UBE4B: variants seen among roughly 807,000 people sequenced by gnomAD.
The protein encoded by UBE4B is ubiquitination factor E4B, also known as ubiquitin conjugation factor E4 B.
In UBE4B, 27 loss-of-function variants were observed where a neutral mutation model predicts 148.1. That is an observed-to-expected ratio of 0.18 (90% CI 0.13 to 0.25). The LOEUF (loss-of-function observed/expected upper bound fraction) is 0.25, where lower values mean the gene tolerates loss of function less well. UBE4B is among the 10% of genes least tolerant of loss of function. The pLI is 1.00. For synonymous variants in UBE4B, 596 were observed against 619.3 expected, an observed-to-expected ratio of 0.96 and a Z score of 0.56; for missense variants, 1,170 against 1,662.4, an observed-to-expected ratio of 0.70 and a Z score of 5.15.
intron 1 of UBE4B, among the ~76,000 whole-genome samples, chr1:10,047,588 G>A (rs1043102096): frequency 6.6e-6 from 1 of 150,638 alleles, no homozygotes; most frequent in Non-Finnish European, 1.5e-5. Context: ...CGCCTCCCAG[G>A]TTCACGCCAT....
At chr1:10,120,058 T>C (rs533491136) in intron 9 of UBE4B, among the ~76,000 whole-genome samples, 67 of 152,364 alleles carry the variant, frequency 4.4e-4, no homozygotes, top group Non-Finnish European at 7.1e-4. Flanking sequence ...ACCAAAGTGC[T>C]ACATTATTTG....
In UBE4B at chr1:10,130,348, T is replaced by A; in HGVS notation, c.1696-152T>A. On this transcript the variant is annotated intron_variant, in intron 12 of 27. Coordinates refer to ENST00000343090, the MANE Select transcript of UBE4B (RefSeq NM_001105562.3). ...CACCCACACTGGCCTCCCAAAGTGCTGGGATTACAGGCGTGAGCCACCATG... is the reference window on the plus strand; with the variant it reads ...CACCCACACTGGCCTCCCAAAGTGCAGGGATTACAGGCGTGAGCCACCATG... 4.2e-6 allele frequency: 3 copies of A among 714,458 alleles called. No homozygotes were observed. In the South Asian group the frequency reaches 5.1e-5, roughly 12 times the overall value. The allele number at this position is 714,458 out of a possible 1,614,324, so 44.3% of individuals were successfully genotyped here. A position where few individuals can be genotyped will look rare whatever the true frequency, so the allele number is the denominator to read the frequency against.
rs1387508153 is a variant in UBE4B at position 10,103,107 on chromosome 1, C to T, written c.580+15C>T. ...CCCAAAAGAAGGTAGGAATCTAGCT[C>T]AGCAGTCTTACTGCAGAGTACTCGA... On this transcript the variant is annotated intron_variant, in intron 5 of 27. Coordinates refer to ENST00000343090, the MANE Select transcript of UBE4B (RefSeq NM_001105562.3). 9 of 1,593,160 alleles carry T rather than the reference C, an allele frequency of 5.6e-6. No individual in the cohort carries two copies. In the Admixed American group the frequency reaches 1.5e-4, roughly 27 times the overall value.
chr1:10,087,737 C>T (rs191410299), intron 2 of UBE4B, among the ~76,000 whole-genome samples: 4 of 152,168 alleles, frequency 2.6e-5, no homozygotes, highest in Admixed American at 6.6e-5. Flanking sequence ...TAGTGCTGGC[C>T]GTGTTTCTCC....
Position 10,106,326 on chromosome 1 carries a change from C to T in UBE4B, c.939C>T (p.His313=). The T allele has an allele frequency of 6.2e-7, 1 of 1,614,206 alleles. No homozygotes were observed. The highest frequency in any genetic ancestry group is 1.1e-5 in the South Asian group (1 of 91,088). The change falls in exon 7 of 28, where the codon CAC becomes CAT. Residue 313 remains histidine, a synonymous_variant. Transcript: ENST00000343090. The surrounding 1 kb of genome is among the most constrained non-coding windows in gnomAD (Gnocchi z 4.2). ...TGCCTTCCACTCCCCTCAGTCCTCA[C>T]AGTGCAGCCTCTGGAACTGCTGCGG... The part of the protein sequence containing the change: ...LAVPSTPLSP[H]SAASGTAAGS...
intron 21 of UBE4B, among the ~76,000 whole-genome samples, chr1:10,154,280 G>A (rs987921153): frequency 1.3e-5 from 2 of 151,008 alleles, no homozygotes; most frequent in African/African-American, 2.4e-5. Context: ...AAAATTAGCC[G>A]GGTGACGCAT....
intron 7 of UBE4B, among the ~76,000 whole-genome samples, chr1:10,108,858 C>T (rs1645166203): frequency 6.6e-6 from 1 of 152,076 alleles, no homozygotes; most frequent in Non-Finnish European, 1.5e-5. Context: ...GGCATCCTTC[C>T]TAGGAACCAG....
chr1:10,162,740 G>C (rs1346380575), intron 23 of UBE4B, among the ~76,000 whole-genome samples: 2 of 151,860 alleles, frequency 1.3e-5, no homozygotes, highest in Non-Finnish European at 2.9e-5. Context: ...CCCAGGGAGT[G>C]AGCATAATAC....
At chr1:10,145,136 T>C in intron 18 of UBE4B, 97 bp downstream of exon 18, 3 of 856,826 alleles carry the variant, frequency 3.5e-6, no homozygotes, top group Non-Finnish European at 3.6e-6. Flanking sequence ...GTGTCCTCAC[T>C]TTTTCTTTGT....
At chr1:10,103,632 G>GTTTTTTTTTTT (rs1186811301) in intron 5 of UBE4B, among the ~76,000 whole-genome samples, 8 of 106,478 alleles carry the variant, frequency 7.5e-5, no homozygotes, top group Non-Finnish European at 1.2e-4. Flanking sequence ...TTTTGTTTTT[G>GTTTTTTTTTTT]TTTTTTTTTT....
Position 10,095,547 on chromosome 1 carries a change from C to G in UBE4B, c.298C>G (p.Leu100Val), listed in dbSNP as rs1195688490. 1 of 1,614,160 alleles carries G rather than the reference C, an allele frequency of 6.2e-7. No homozygotes were observed. The highest frequency in any genetic ancestry group is 8.5e-7 in the Non-Finnish European group (1 of 1,180,032). ...TAGCCTTGAAACGCAATCTCAGTCT[C>G]TCTCACGTTCCCAGAGCATGGATAT... is the stretch of plus-strand genomic sequence containing the variant. ...SNSLETQSQS[L>V]SRSQSMDIDG... Residue 100 changes from leucine (L) to valine (V), a missense_variant, in exon 3 of 28, where the codon CTC becomes GTC. Coordinates refer to ENST00000343090, the MANE Select transcript of UBE4B (RefSeq NM_001105562.3).
At chr1:10,034,478 TA>T (rs57860112) in intron 1 of UBE4B, among the ~76,000 whole-genome samples, 195 of 147,142 alleles carry the variant, frequency 1.3e-3, no homozygotes, top group Non-Finnish European at 1.9e-3. Flanking sequence ...TAGGTTGTTG[TA>T]AAAAAAAAAA....
chr1:10,135,607 G>A (rs897343508), intron 16 of UBE4B, among the ~76,000 whole-genome samples: 60 of 151,824 alleles, frequency 4.0e-4, no homozygotes, highest in African/African-American at 1.4e-3. Flanking sequence ...GTGGTGGCAC[G>A]CACCTGTAAT....
intron 8 of UBE4B, among the ~76,000 whole-genome samples, 183 bp downstream of exon 8, chr1:10,117,783 G>A (rs544232527): frequency 1.3e-5 from 2 of 152,268 alleles, no homozygotes; most frequent in South Asian, 2.1e-4. Flanking sequence ...CCCTGCCCTC[G>A]TGGAACTCAC....
intron 1 of UBE4B, among the ~76,000 whole-genome samples, chr1:10,039,226 G>A (rs561519611): frequency 6.6e-6 from 1 of 152,190 alleles, no homozygotes; most frequent in African/African-American, 2.4e-5. Context: ...AAGGGACCCC[G>A]GGAGAGGCAG....
At chr1:10,092,311 G>A (rs550040316) in intron 2 of UBE4B, among the ~76,000 whole-genome samples, 1 of 152,106 alleles carries the variant, frequency 6.6e-6, no homozygotes, top group African/African-American at 2.4e-5. Flanking sequence ...TGCAACCTCC[G>A]CCTCCCAGGT....
At chr1:10,109,580 A>G (rs1387088801) in intron 7 of UBE4B, among the ~76,000 whole-genome samples, 2 of 152,206 alleles carry the variant, frequency 1.3e-5, no homozygotes, top group Non-Finnish European at 1.5e-5. Flanking sequence ...TGACATAACT[A>G]TGTAAACAAG....
At chr1:10,069,358 A>G (rs1644445405) in intron 1 of UBE4B, among the ~76,000 whole-genome samples, 2 of 152,330 alleles carry the variant, frequency 1.3e-5, no homozygotes, top group South Asian at 4.1e-4. Context: ...TGTTCTAGGC[A>G]CTGGTGCAAC....
At chr1:10,175,910 G>A (rs115384680) in intron 25 of UBE4B, among the ~76,000 whole-genome samples, 1,689 of 152,222 alleles carry the variant, frequency 0.011, 25 homozygotes, top group South Asian at 0.06. Flanking sequence ...CAGTCACAGC[G>A]TTGCACAGCC....
Sources: allele counts gnomAD v4.1 joint callset (sites outside exome capture counted in the v4.1 genomes callset), GRCh38; gene constraint gnomAD v4.1.1; non-coding constraint Gnocchi (gnomAD v3.1); transcripts MANE v1.5; gene names NCBI Gene and HGNC (gene_info 2026-07-23, HGNC 2026-07-21).